The following BCAS3 variants were observed in gnomAD, a reference collection of about 807,000 sequenced individuals.
BCAS3 encodes the protein BCAS4/BCAS3 fusion.
Under a neutral mutation model 116.1 loss-of-function variants are expected in BCAS3, and 53 were observed. The observed-to-expected ratio is 0.46, with a 90% CI of 0.37 to 0.57. The LOEUF (loss-of-function observed/expected upper bound fraction) is 0.57. Among genes scored for constraint, BCAS3 ranks in the 20% least tolerant of loss-of-function variants. BCAS3 has a pLI of 0.00. For synonymous variants in BCAS3, 391 were observed against 408.2 expected (o/e 0.96, Z 0.51); for missense variants, 917 against 1,165.4 (o/e 0.79, Z 3.10).
chr17:60,873,992 CTG>C (rs2055359532), intron 8 of BCAS3, among the ~76,000 whole-genome samples: 1 of 151,988 alleles, frequency 6.6e-6, no homozygotes, highest in Non-Finnish European at 1.5e-5. Flanking sequence ...GTGTGCAACA[CTG>C]TGCTGGGCTT....
chr17:61,059,344 A>G (rs535723988), intron 19 of BCAS3, among the ~76,000 whole-genome samples: 1 of 151,916 alleles, frequency 6.6e-6, no homozygotes, highest in African/African-American at 2.4e-5. Context: ...GGCCTCCCAA[A>G]GTTCTGGGAT....
chr17:60,681,862 T>G (rs2033188720), intron 2 of BCAS3, among the ~76,000 whole-genome samples: 1 of 152,142 alleles, frequency 6.6e-6, no homozygotes, highest in Non-Finnish European at 1.5e-5. Context: ...CCCGATTAGC[T>G]GGGATTACAG....
chr17:61,009,164 GGAT>G (rs2145506609), intron 15 of BCAS3, among the ~76,000 whole-genome samples: 1 of 152,108 alleles, frequency 6.6e-6, no homozygotes, highest in Non-Finnish European at 1.5e-5. Flanking sequence ...AGAATAAGTG[GGAT>G]GATATGTGGA....
intron 22 of BCAS3, among the ~76,000 whole-genome samples, chr17:61,089,596 C>G (rs973076465): frequency 1.5e-5 from 2 of 129,856 alleles, no homozygotes; most frequent in African/African-American, 5.7e-5. Context: ...ATGGCACGAT[C>G]TCAGCTCACT....
intron 7 of BCAS3, among the ~76,000 whole-genome samples, chr17:60,832,197 G>A (rs60049100): frequency 0.31 from 47,209 of 152,036 alleles, 12,382 homozygotes; most frequent in African/African-American, 0.72. Context: ...TGTGTTTTCA[G>A]TATGATTGTT....
At chr17:60,935,620 A>G (rs1208288796) in intron 13 of BCAS3, among the ~76,000 whole-genome samples, 1 of 152,178 alleles carries the variant, frequency 6.6e-6, no homozygotes, top group African/African-American at 2.4e-5. Context: ...TCATTTGGTA[A>G]TATTTTCAAC....
At chr17:60,876,812 A>G (rs1243411963) in intron 9 of BCAS3, among the ~76,000 whole-genome samples, 1 of 152,072 alleles carries the variant, frequency 6.6e-6, no homozygotes, top group Non-Finnish European at 1.5e-5. Flanking sequence ...TCTCATTGAG[A>G]GAAAAGTTAC....
At chr17:60,913,610 G>C (rs1232305961) in intron 12 of BCAS3, among the ~76,000 whole-genome samples, 1 of 152,086 alleles carries the variant, frequency 6.6e-6, no homozygotes, top group Non-Finnish European at 1.5e-5. Flanking sequence ...TTCCGCTGAT[G>C]TTTAGCCTAA....
chr17:61,346,927 G>A lies in BCAS3; in HGVS notation c.2426-21400G>A, dbSNP rs1250781352. Among the ~76,000 whole-genome samples the A allele has an allele frequency of 6.6e-6, 1 of 152,232 alleles. No homozygotes were observed. Among genetic ancestry groups the A allele is most frequent in the Non-Finnish European group, 1.5e-5 (1 of 68,048 alleles). On this transcript the variant is annotated intron_variant, in intron 22 of 23. Transcript: ENST00000407086. This position sits in a 1 kb window ranked among gnomAD's most constrained non-coding sequence, Gnocchi z 5.4. Reference sequence around the variant, plus strand: ...AAATCTGCAGAAGGCAGTTCGTCATGTCACTTGGTCACTTGGCACCTCTTC... The same window carrying A: ...AAATCTGCAGAAGGCAGTTCGTCATATCACTTGGTCACTTGGCACCTCTTC...
intron 10 of BCAS3, among the ~76,000 whole-genome samples, chr17:60,901,372 A>G (rs2145058573): frequency 6.6e-6 from 1 of 152,266 alleles, no homozygotes; most frequent in Middle Eastern, 3.4e-3. Context: ...TTTCATAATT[A>G]TTTGAATGTG....
chr17:60,767,780 C>T (rs1378686193), intron 6 of BCAS3, among the ~76,000 whole-genome samples: 1 of 151,948 alleles, frequency 6.6e-6, no homozygotes, highest in African/African-American at 2.4e-5. Flanking sequence ...GGTCGAGTTG[C>T]TTCTTCCAAT....
chr17:61,329,349 T>TA (rs2056035787), intron 22 of BCAS3, among the ~76,000 whole-genome samples: 3 of 147,698 alleles, frequency 2.0e-5, no homozygotes, highest in Non-Finnish European at 4.5e-5. Context: ...TATTATTTTT[T>TA]TTTTTTTTTG....
At chr17:61,319,011 C>T (rs75099652) in intron 22 of BCAS3, among the ~76,000 whole-genome samples, 2,310 of 152,304 alleles carry the variant, frequency 0.015, 41 homozygotes, top group African/African-American at 0.038. Flanking sequence ...CAAGCTCATT[C>T]TCTTTTCTGA....
chr17:61,195,545 T>TTC (rs201242643), intron 22 of BCAS3, among the ~76,000 whole-genome samples: 1,466 of 83,716 alleles, frequency 0.018, 16 homozygotes, highest in South Asian at 0.039. Context: ...TTTTCTTTCT[T>TTC]TTTTTTTTTT....
chr17:60,784,073 G>A (rs1461277991), intron 6 of BCAS3, among the ~76,000 whole-genome samples: 4 of 152,064 alleles, frequency 2.6e-5, no homozygotes, highest in African/African-American at 9.7e-5. Flanking sequence ...CTGGAATATG[G>A]TCAGAATTCT....
Position 61,265,269 on chromosome 17 carries a change from C to T in BCAS3, c.2426-103058C>T, listed in dbSNP as rs536643582. Among the ~76,000 whole-genome samples, 7 of 152,122 alleles carry T rather than the reference C, an allele frequency of 4.6e-5. No homozygotes were observed. Among genetic ancestry groups the T allele is most frequent in the Middle Eastern group, 3.4e-3 (1 of 292 alleles). On this transcript the variant is annotated intron_variant, in intron 22 of 23. Transcript: ENST00000407086. This position sits in a 1 kb window ranked among gnomAD's most constrained non-coding sequence, Gnocchi z 4.3. ...TCTCTGCTAAAAATACAAAATTAGC[C>T]GGCATGGTGGCGCATGCCTGTAATC...
intron 18 of BCAS3, among the ~76,000 whole-genome samples, chr17:61,039,003 C>T (rs960568843): frequency 9.2e-5 from 14 of 152,146 alleles, no homozygotes; most frequent in Non-Finnish European, 1.9e-4. Context: ...AAAATTAACC[C>T]ATTAAAAGTG....
At chr17:61,264,112 T>C (rs1169983744) in intron 22 of BCAS3, among the ~76,000 whole-genome samples, 1 of 152,066 alleles carries the variant, frequency 6.6e-6, no homozygotes, top group Admixed American at 6.5e-5. Flanking sequence ...AAGATTATTG[T>C]GAAGATTAAA....
At position 60,709,316 on chromosome 17, in the gene BCAS3, G is replaced by C. The variant is rs1369994584; in HGVS notation, c.312G>C (p.Trp104Cys). The change falls in exon 5 of 24, where the codon TGG becomes TGC. Residue 104 changes from tryptophan (W) to cysteine (C), a missense_variant. Trp to Cys is a radical substitution (Grantham distance 215, BLOSUM62 -2). This residue lies in a region of BCAS3 where 807 missense variants were observed against 1,026.0 expected (regional missense o/e 0.79). Coordinates refer to ENST00000407086, the MANE Select transcript of BCAS3 (RefSeq NM_017679.5). ...GCTACAGTGATGGAATGCAGGTCTG[G>C]AGCATCCCTGTAAGTACACATGTGG... ...MIGYSDGMQV[W>C]SIPISGEAQE... 6.3e-7 allele frequency: 1 copy of C among 1,579,690 alleles called. No homozygotes were observed. Among genetic ancestry groups the C allele is most frequent in the Non-Finnish European group, 8.7e-7 (1 of 1,148,692 alleles).
Sources: allele counts gnomAD v4.1 joint callset (sites outside exome capture counted in the v4.1 genomes callset), GRCh38; gene constraint gnomAD v4.1.1; regional missense constraint gnomAD v4.1.1; non-coding constraint Gnocchi (gnomAD v3.1); transcripts MANE v1.5; gene names NCBI Gene and HGNC (gene_info 2026-07-23, HGNC 2026-07-21).